The following SRRM5 variants were observed in gnomAD, a reference collection of about 807,000 sequenced individuals.
The protein encoded by SRRM5 is serine/arginine repetitive matrix 5, also known as serine/arginine repetitive matrix protein 5.
A neutral mutation model predicts 1.3 loss-of-function variants in SRRM5; 1 was observed. The ratio of observed to expected loss-of-function variants is 0.76; its 90% CI spans 0.27 to 3.59. The LOEUF (loss-of-function observed/expected upper bound fraction) is 3.59. Ranked by LOEUF, SRRM5 falls within the 30% of genes most tolerant of loss-of-function variation. The pLI, the probability that SRRM5 is intolerant of heterozygous loss-of-function variation, is 0.19. For synonymous variants in SRRM5, 275 were observed against 320.2 expected (o/e 0.86, Z 1.51); for missense variants, 875 against 914.5 (o/e 0.96, Z 0.56).
Position 43,612,475 on chromosome 19 carries a change from C to G in SRRM5, c.354C>G (p.His118Gln), listed in dbSNP as rs760593665. 5.1e-5 allele frequency: 79 copies of G among 1,545,720 alleles called. No homozygotes were observed. In the Middle Eastern group the frequency reaches 1.3e-3, roughly 26 times the overall value. The change falls in exon 1 of 1, where the codon CAC becomes CAG. Residue 118 changes from histidine to glutamine, a missense_variant. His to Gln is a conservative substitution (Grantham distance 24, BLOSUM62 0). Coordinates refer to ENST00000417606, the MANE Select transcript of SRRM5 (RefSeq NM_001145641.2). The surrounding 1 kb of genome is among the most constrained non-coding windows in gnomAD (Gnocchi z 4.2). ...DVRCHQRRGT[H>Q]SRGRTPGRRG... ...GATGCCACCAGCGGAGGGGCACACACAGCCGGGGTAGGACACCTGGCAGAA... is the reference window on the plus strand; with the variant it reads ...GATGCCACCAGCGGAGGGGCACACAGAGCCGGGGTAGGACACCTGGCAGAA...
rs1056034264 is a variant in SRRM5, at chr19:43,613,532, A to T, written c.1411A>T (p.Arg471Ter). 1.7e-5 allele frequency: 27 copies of T among 1,551,528 alleles called. No individual in the cohort carries two copies. The East Asian group carries it at 6.1e-4, about 35-fold the overall frequency. ...CCGATCTAGAAGTCCCAACAAGGCG[A>T]GAGATCGCAGCCGATCTAGAAGCCC... is the stretch of plus-strand genomic sequence containing the variant. Residue 471 changes from arginine (R) to a stop codon, truncating the protein, a stop_gained, in exon 3 of 3, where the codon AGA (arginine) becomes TGA (stop). Transcript: ENST00000607544. LOFTEE classifies it low-confidence loss of function (END_TRUNC).
Position 43,613,607 on chromosome 19 carries a change from G to C in SRRM5, c.1486G>C (p.Asp496His). The change falls in exon 1 of 1, where the codon GAT becomes CAT. Residue 496 changes from aspartate (D) to histidine (H), a missense_variant. Asp to His is a moderately conservative substitution (Grantham distance 81). Coordinates refer to ENST00000417606, the MANE Select transcript of SRRM5 (RefSeq NM_001145641.2). ...SQLGSPSKER[D>H]HRRSRSPSKE... Reference sequence around the variant, plus strand: ...ACTTGGAAGCCCCAGCAAAGAGAGAGATCACAGACGATCTAGAAGCCCCAG... The same window carrying C: ...ACTTGGAAGCCCCAGCAAAGAGAGACATCACAGACGATCTAGAAGCCCCAG... The C allele has an allele frequency of 6.5e-7, 1 of 1,548,704 alleles. No homozygotes were observed.
At position 43,612,250 on chromosome 19, in the gene SRRM5, C is replaced by T; in HGVS notation, c.129C>T (p.Ser43=). The T allele has an allele frequency of 6.4e-7, 1 of 1,551,712 alleles. No individual in the cohort carries two copies. The highest frequency in any genetic ancestry group is 8.7e-7 in the Non-Finnish European group (1 of 1,146,988). The change falls in exon 1 of 1, where the codon TCC becomes TCT. Residue 43 remains serine (S), a synonymous_variant. Coordinates refer to ENST00000417606, the MANE Select transcript of SRRM5 (RefSeq NM_001145641.2). The surrounding 1 kb of genome is among the most constrained non-coding windows in gnomAD (Gnocchi z 4.2). The part of the protein sequence containing the change: ...KSTKSATPNR[S]LVPTKPATSR... Reference sequence around the variant, plus strand: ...CCAAATCAGCAACACCCAACAGATCCTTAGTGCCCACCAAACCAGCGACAT... The same window carrying T: ...CCAAATCAGCAACACCCAACAGATCTTTAGTGCCCACCAAACCAGCGACAT...
rs752453564 is a variant in SRRM5 at position 43,613,628 on chromosome 19, C to A, written c.1507C>A (p.Pro503Thr). 1 of 1,548,638 alleles carries A rather than the reference C, an allele frequency of 6.5e-7. No individual in the cohort carries two copies. The highest frequency in any genetic ancestry group is 8.7e-7 in the Non-Finnish European group (1 of 1,145,512). Residue 503 changes from proline (P) to threonine (T), a missense_variant, in exon 1 of 1, where the codon CCC becomes ACC. Physicochemically the swap from Pro to Thr is conservative, Grantham distance 38. Transcript: ENST00000417606. Reference sequence around the variant, plus strand: ...GAGAGATCACAGACGATCTAGAAGCCCCAGCAAGGAGAGACAGTGCAGACA... The same window carrying A: ...GAGAGATCACAGACGATCTAGAAGCACCAGCAAGGAGAGACAGTGCAGACA... ...KERDHRRSRSPSKERQCRQSR... is the reference protein window; with the variant it reads ...KERDHRRSRSTSKERQCRQSR...
At position 43,613,083 on chromosome 19, in the gene SRRM5, G is replaced by A; in HGVS notation, c.962G>A (p.Gly321Glu). Reference sequence around the variant, plus strand: ...AGGGCAAGAAGTCGCACCCGGAAGGGAATTCTGAGCCAGATGGGAAGACAC... The same window carrying A: ...AGGGCAAGAAGTCGCACCCGGAAGGAAATTCTGAGCCAGATGGGAAGACAC... ...HSRARSRTRK[G>E]ILSQMGRHSQ... The change falls in exon 1 of 1, where the codon GGA (glycine) becomes GAA (glutamate). Residue 321 changes from glycine to glutamate, a missense_variant. Physicochemically the swap from Gly to Glu is moderately conservative, Grantham distance 98. Coordinates refer to ENST00000417606, the MANE Select transcript of SRRM5 (RefSeq NM_001145641.2). 3 of 1,551,512 alleles carry A rather than the reference G, an allele frequency of 1.9e-6. No homozygotes were observed. The highest frequency in any genetic ancestry group is 2.6e-6 in the Non-Finnish European group (3 of 1,146,970).
Position 43,613,699 on chromosome 19 carries a change from C to T in SRRM5, c.1578C>T (p.Ser526=), listed in dbSNP as rs534357188. ...AGAGAGATCACAGACGATCTAGAAG[C>T]CCCAGCAAGGAGAGACAGCGCAGAC... ...SKERDHRRSR[S]PSKERQRRQS... Residue 526 remains serine, a synonymous_variant, in exon 1 of 1, where the codon AGC becomes AGT. Transcript: ENST00000417606. The T allele has an allele frequency of 2.9e-5, 45 of 1,551,214 alleles. No homozygotes were observed. Among genetic ancestry groups the T allele is most frequent in the South Asian group, 2.7e-4 (23 of 84,048 alleles).
rs200394923 is a variant in SRRM5 at position 43,613,778 on chromosome 19, G to A, written c.1657G>A (p.Glu553Lys). 3.2e-5 allele frequency: 49 copies of A among 1,534,106 alleles called. No individual in the cohort carries two copies. Among genetic ancestry groups the A allele is most frequent in the African/African-American group, 4.4e-5 (3 of 67,438 alleles). Residue 553 changes from glutamate to lysine, a missense_variant, in exon 1 of 1, where the codon GAG (glutamate) becomes AAG (lysine). Glu to Lys is a moderately conservative substitution (Grantham distance 56). Transcript: ENST00000417606. ...TCGCAGCCAATCTAGAAGCCCCAGC[G>A]AGGAGAGAGAGCACAGACAATCCAG... Reference protein sequence around the residue: ...RDRSQSRSPSEEREHRQSRSP... With the variant: ...RDRSQSRSPSKEREHRQSRSP...
chr19:43,613,990 C>T lies in SRRM5; in HGVS notation c.1869C>T (p.Pro623=), dbSNP rs781023277. Residue 623 remains proline, a synonymous_variant, in exon 1 of 1, where the codon CCC becomes CCT. Transcript: ENST00000417606. Reference sequence around the variant, plus strand: ...AAGCTCATAGCCGATCTAGAACCCCCAGCAAAGAAGGAAATCATAGCCAAT... The same window carrying T: ...AAGCTCATAGCCGATCTAGAACCCCTAGCAAAGAAGGAAATCATAGCCAAT... ...KEKAHSRSRT[P]SKEGNHSQSR... The T allele has an allele frequency of 1.3e-5, 20 of 1,551,604 alleles. No homozygotes were observed. Among genetic ancestry groups the T allele is most frequent in the African/African-American group, 2.7e-5 (2 of 73,048 alleles).
rs1973319077 is a variant in SRRM5, at chr19:43,612,935, G to A, written c.814G>A (p.Ala272Thr). The part of the protein sequence containing the change: ...MSSRVKSYNQ[A>T]STRSRPQSHS... ...CAGCAGGGTCAAGAGTTATAACCAG[G>A]CCAGCACCCGCAGCAGGCCGCAAAG... is the stretch of plus-strand genomic sequence containing the variant. The change falls in exon 1 of 1, where the codon GCC becomes ACC. Residue 272 changes from alanine to threonine, a missense_variant. Transcript: ENST00000417606. The surrounding 1 kb of genome is among the most constrained non-coding windows in gnomAD (Gnocchi z 4.2). 1.3e-6 allele frequency: 2 copies of A among 1,551,630 alleles called. No individual in the cohort carries two copies. The highest frequency in any genetic ancestry group is 1.7e-6 in the Non-Finnish European group (2 of 1,146,940).
rs1973304840 is a variant in SRRM5, at chr19:43,612,186, C to T, written c.65C>T (p.Pro22Leu). The T allele has an allele frequency of 2.6e-6, 4 of 1,551,688 alleles. No homozygotes were observed. Among genetic ancestry groups the T allele is most frequent in the Non-Finnish European group, 3.5e-6 (4 of 1,146,980 alleles). ...MSLAPSGSSMPTADPKPPASL... is the reference protein window; with the variant it reads ...MSLAPSGSSMLTADPKPPASL... ...CTGGCACCCAGTGGATCCTCCATGC[C>T]CACTGCGGATCCCAAGCCTCCTGCC... The change falls in exon 1 of 1, where the codon CCC becomes CTC. Residue 22 changes from proline to leucine, a missense_variant. Coordinates refer to ENST00000417606, the MANE Select transcript of SRRM5 (RefSeq NM_001145641.2). This position sits in a 1 kb window ranked among gnomAD's most constrained non-coding sequence, Gnocchi z 4.2.
In SRRM5 at chr19:43,614,258, A is replaced by C; in HGVS notation, c.2137A>C (p.Lys713Gln). 1.2e-6 allele frequency: 2 copies of C among 1,613,946 alleles called. No individual in the cohort carries two copies. Among genetic ancestry groups the C allele is most frequent in the Non-Finnish European group, 1.7e-6 (2 of 1,179,858 alleles). ...GGAAAGGTCTTCATCATCTTCTTCC[A>C]AGCTGGCGTAGCCCCCAGTCTCAGC... ...PGERSSSSSS[K>Q]LA The change falls in exon 1 of 1, where the codon AAG becomes CAG. Residue 713 changes from lysine (K) to glutamine (Q), a missense_variant. Lys to Gln is a moderately conservative substitution (Grantham distance 53). Coordinates refer to ENST00000417606, the MANE Select transcript of SRRM5 (RefSeq NM_001145641.2).
Position 43,612,627 on chromosome 19 carries a change from G to A in SRRM5, c.506G>A (p.Arg169Gln), listed in dbSNP as rs993879597. The change falls in exon 1 of 1, where the codon CGG (arginine) becomes CAG (glutamine). Residue 169 changes from arginine (R) to glutamine (Q), a missense_variant. Arg to Gln is a conservative substitution (Grantham distance 43). Transcript: ENST00000417606. This position sits in a 1 kb window ranked among gnomAD's most constrained non-coding sequence, Gnocchi z 4.2. ...CCCACTTCACAGCAAAAAGGGAGCC[G>A]GGGAAAGAGTTACGGCCGGCCTAGA... ...RTPTSQQKGS[R>Q]GKSYGRPRTS... The A allele has an allele frequency of 4.1e-5, 64 of 1,551,312 alleles. No homozygotes were observed. The East Asian group carries it at 5.9e-4, about 14-fold the overall frequency.
rs889671804 is a variant in SRRM5, at chr19:43,612,787, G to A, written c.666G>A (p.Pro222=). The A allele has an allele frequency of 7.1e-6, 11 of 1,551,448 alleles. No homozygotes were observed. Among genetic ancestry groups the A allele is most frequent in the African/African-American group, 4.1e-5 (3 of 73,028 alleles). Reference sequence around the variant, plus strand: ...CCAGTACAGCCAAGTGTCAAACCCCGACTGGAATTCCCTCCAAGGAGAAGA... The same window carrying A: ...CCAGTACAGCCAAGTGTCAAACCCCAACTGGAATTCCCTCCAAGGAGAAGA... ...VTPSTAKCQT[P]TGIPSKEKSD... Residue 222 remains proline, a synonymous_variant, in exon 1 of 1, where the codon CCG becomes CCA. Transcript: ENST00000417606. The surrounding 1 kb of genome is among the most constrained non-coding windows in gnomAD (Gnocchi z 4.2).
At position 43,612,171 on chromosome 19, in the gene SRRM5, G is replaced by C; in HGVS notation, c.50G>C (p.Ser17Thr). ...SSKPSMSLAP[S>T]GSSMPTADPK... ...AAGCCCAGTATGTCTCTGGCACCCAGTGGATCCTCCATGCCCACTGCGGAT... is the reference window on the plus strand; with the variant it reads ...AAGCCCAGTATGTCTCTGGCACCCACTGGATCCTCCATGCCCACTGCGGAT... Residue 17 changes from serine (S) to threonine (T), a missense_variant, in exon 1 of 1, where the codon AGT (serine) becomes ACT (threonine). Physicochemically the swap from Ser to Thr is moderately conservative, Grantham distance 58. Coordinates refer to ENST00000417606, the MANE Select transcript of SRRM5 (RefSeq NM_001145641.2). This position sits in a 1 kb window ranked among gnomAD's most constrained non-coding sequence, Gnocchi z 4.2. The C allele has an allele frequency of 6.4e-7, 1 of 1,551,704 alleles. No individual in the cohort carries two copies. Among genetic ancestry groups the C allele is most frequent in the Non-Finnish European group, 8.7e-7 (1 of 1,146,994 alleles).
In SRRM5 at chr19:43,613,167, G is replaced by T; in HGVS notation, c.1046G>T (p.Arg349Ile). Residue 349 changes from arginine (R) to isoleucine (I), a missense_variant, in exon 1 of 1, where the codon AGA (arginine) becomes ATA (isoleucine). Arg to Ile is a moderately conservative substitution (Grantham distance 97). Transcript: ENST00000417606. Reference protein sequence around the residue: ...KSQNQSRTPRRGRSHNWSRNP... With the variant: ...KSQNQSRTPRIGRSHNWSRNP... Reference sequence around the variant, plus strand: ...CAAAACCAATCTAGAACCCCCAGAAGAGGAAGAAGTCACAACTGGTCTAGA... The same window carrying T: ...CAAAACCAATCTAGAACCCCCAGAATAGGAAGAAGTCACAACTGGTCTAGA... The T allele has an allele frequency of 6.4e-7, 1 of 1,551,672 alleles. No homozygotes were observed. The highest frequency in any genetic ancestry group is 1.4e-5 in the African/African-American group (1 of 73,158).
chr19:43,612,839 A>G lies in SRRM5; in HGVS notation c.718A>G (p.Arg240Gly). The stretch of plus-strand genomic sequence containing the variant: ...TGACAACCCATCTCCATCCTCATCA[A>G]GGAAGGTGAAGAGCTACGGTCAGAT... ...KSDNPSPSSS[R>G]KVKSYGQMII... The change falls in exon 1 of 1, where the codon AGG becomes GGG. Residue 240 changes from arginine (R) to glycine (G), a missense_variant. Arg to Gly is a moderately radical substitution (Grantham distance 125). Coordinates refer to ENST00000417606, the MANE Select transcript of SRRM5 (RefSeq NM_001145641.2). This position sits in a 1 kb window ranked among gnomAD's most constrained non-coding sequence, Gnocchi z 4.2. 1 of 1,551,650 alleles carries G rather than the reference A, an allele frequency of 6.4e-7. No individual in the cohort carries two copies. The highest frequency in any genetic ancestry group is 8.7e-7 in the Non-Finnish European group (1 of 1,146,974).
chr19:43,613,275 A>G lies in SRRM5; in HGVS notation c.1154A>G (p.Lys385Arg), dbSNP rs897117132. Residue 385 changes from lysine to arginine, a missense_variant, in exon 1 of 1, where the codon AAG becomes AGG. By Grantham distance (26) the Lys-to-Arg change is conservative. Coordinates refer to ENST00000417606, the MANE Select transcript of SRRM5 (RefSeq NM_001145641.2). ...CACAGGGGATCTAGCAGCCCCAGGA[A>G]GGAGAGTGGTCGCAGTCAATCAGGA... ...RDHRGSSSPR[K>R]ESGRSQSGSP... The G allele has an allele frequency of 1.2e-5, 18 of 1,551,518 alleles. No individual in the cohort carries two copies. Among genetic ancestry groups the G allele is most frequent in the Non-Finnish European group, 1.4e-5 (16 of 1,146,982 alleles).
At position 43,612,626 on chromosome 19, in the gene SRRM5, C is replaced by T. The variant is rs759824958; in HGVS notation, c.505C>T (p.Arg169Trp). Residue 169 changes from arginine (R) to tryptophan (W), a missense_variant, in exon 1 of 1, where the codon CGG (arginine) becomes TGG (tryptophan). Transcript: ENST00000417606. The surrounding 1 kb of genome is among the most constrained non-coding windows in gnomAD (Gnocchi z 4.2). Reference protein sequence around the residue: ...RTPTSQQKGSRGKSYGRPRTS... With the variant: ...RTPTSQQKGSWGKSYGRPRTS... ...TCCCACTTCACAGCAAAAAGGGAGC[C>T]GGGGAAAGAGTTACGGCCGGCCTAG... 32 of 1,551,238 alleles carry T rather than the reference C, an allele frequency of 2.1e-5. No individual in the cohort carries two copies. Among genetic ancestry groups the T allele is most frequent in the South Asian group, 4.8e-5 (4 of 84,054 alleles).
chr19:43,614,440 TA>T lies in SRRM5; in HGVS notation c.*172del, dbSNP rs891673840. On this transcript the variant is annotated 3_prime_UTR_variant, in exon 1 of 1. Coordinates refer to ENST00000417606, the MANE Select transcript of SRRM5 (RefSeq NM_001145641.2). ...TTGGCAGGTAGAGAGGGATGCTGGA[TA>T]GGGGGAAAGGAAAGACCTGTGATGA... 7 of 1,446,796 alleles carry T rather than the reference TA, an allele frequency of 4.8e-6. No individual in the cohort carries two copies. The highest frequency in any genetic ancestry group is 4.3e-5 in the African/African-American group (3 of 69,928). 89.6% of individuals were successfully genotyped at this position (1,446,796 alleles called of 1,614,324 possible).
Sources: gnomAD v4.1 joint callset for allele counts on GRCh38, gnomAD v4.1.1 for gene constraint, Gnocchi (gnomAD v3.1) non-coding constraint, MANE v1.5 for transcripts, NCBI Gene and HGNC (gene_info 2026-07-23, HGNC 2026-07-21) for gene names.